PER2: variants seen among roughly 807,000 people sequenced by gnomAD.
The protein encoded by PER2 is period circadian protein homolog 2.
A neutral mutation model predicts 121.0 loss-of-function variants in PER2; 66 were observed. The observed-to-expected ratio is 0.55, with a 90% CI of 0.45 to 0.67. PER2 has a LOEUF of 0.67. PER2 is among the 30% of genes least tolerant of loss of function. The pLI, the probability that PER2 is intolerant of heterozygous loss-of-function variation, is 0.00. For missense variants in PER2, 1,521 were observed against 1,635.0 expected (o/e 0.93, Z 1.20); for synonymous variants, 684 against 659.9 (o/e 1.04, Z -0.56).
chr2:238,266,184 T>G (rs1283771559), intron 8 of PER2, among the ~76,000 whole-genome samples: 8 of 152,184 alleles, frequency 5.3e-5, no homozygotes, highest in Admixed American at 5.2e-4. Context: ...ACTACAGGCG[T>G]GAGCCACTGC....
Position 238,249,088 on chromosome 2 carries a change from C to T in PER2, c.3592G>A (p.Gly1198Ser), listed in dbSNP as rs764364278. 12 of 1,614,030 alleles carry T rather than the reference C, an allele frequency of 7.4e-6. No homozygotes were observed. In the Admixed American group the frequency reaches 8.3e-5, roughly 11 times the overall value. The change falls in exon 22 of 23, where the codon GGC (glycine) becomes AGC (serine). Residue 1198 changes from glycine to serine, a missense_variant. Transcript: ENST00000254657. ...GCCACGTCGATGGCTGCGGGCAGGC[C>T]GCCCGTCTGCATCCACTGGTGGACC... is the stretch of plus-strand genomic sequence containing the variant. ...REVHQWMQTG[G>S]LPAAIDVAEC...
chr2:238,250,869 T>C, intron 20 of PER2, 126 bp from the exon 21 acceptor site: 1 of 693,162 alleles, frequency 1.4e-6, no homozygotes, highest in Non-Finnish European at 2.6e-6. Flanking sequence ...TGGGTATCTA[T>C]GCCGGTGCAT....
chr2:238,293,065 T>C (rs1696975534), upstream of PER2, among the ~76,000 whole-genome samples: 1 of 150,626 alleles, frequency 6.6e-6, no homozygotes, highest in Non-Finnish European at 1.5e-5. Flanking sequence ...TCATCATACA[T>C]AGGTGCAGTG....
In PER2 at chr2:238,279,038, G is replaced by T. The variant is rs190386281; in HGVS notation, c.-19-1083C>A. On this transcript the variant is annotated intron_variant, in intron 1 of 22. Transcript: ENST00000254657. The stretch of plus-strand genomic sequence containing the variant: ...GCGATCATCCTGGACACAAACTGAG[G>T]GGGGGTGAACAGAGACAGGGAGTAG... Among the ~76,000 whole-genome samples, 62 of 152,260 alleles carry T rather than the reference G, an allele frequency of 4.1e-4. 1 individual carries two copies. Among genetic ancestry groups the T allele is most frequent in the South Asian group, 3.9e-3 (19 of 4,828 alleles).
intron 1 of PER2, among the ~76,000 whole-genome samples, chr2:238,287,505 G>A (rs1283745578): frequency 1.3e-5 from 2 of 152,196 alleles, no homozygotes; most frequent in African/African-American, 4.8e-5. Flanking sequence ...TTTAGCCACC[G>A]TGTGGGGTTC....
At position 238,288,379 on chromosome 2, in the gene PER2, G is replaced by T. The variant is rs1015421246; in HGVS notation, c.-50C>A. ...GGACCTCAGGCTCCTGAGCTGCGAA[G>T]CGGGGGTTCGAGTCCCCAACCCTCG... On this transcript the variant is annotated 5_prime_UTR_variant, in exon 1 of 23. Transcript: ENST00000254657. The T allele has an allele frequency of 6.6e-6, 1 of 152,288 alleles. No individual in the cohort carries two copies. The highest frequency in any genetic ancestry group is 1.5e-5 in the Non-Finnish European group (1 of 68,100). The allele number at this position is 152,288 out of a possible 1,614,324, so 9.4% of individuals were successfully genotyped here. A position where few individuals can be genotyped will look rare whatever the true frequency, so the allele number is the denominator to read the frequency against.
chr2:238,281,368 G>C (rs866543249), intron 1 of PER2, among the ~76,000 whole-genome samples: 111 of 152,174 alleles, frequency 7.3e-4, no homozygotes, highest in African/African-American at 2.6e-3. Flanking sequence ...TCAATTACAG[G>C]ATACTTGATT....
rs768843917 is a variant in PER2, at chr2:238,263,165, A to T, written c.1047-107T>A. 1.1e-4 allele frequency: 71 copies of T among 674,238 alleles called. 1 individual carries two copies. Among genetic ancestry groups the T allele is most frequent in the Non-Finnish European group, 1.8e-4 (68 of 387,702 alleles). The allele number at this position is 674,238 out of a possible 1,614,324, so 41.8% of individuals were successfully genotyped here. A position where few individuals can be genotyped will look rare whatever the true frequency, so the allele number is the denominator to read the frequency against. On this transcript the variant is annotated intron_variant, in intron 9 of 22. Coordinates refer to ENST00000254657, the MANE Select transcript of PER2 (RefSeq NM_022817.3). ...AAAGAGAAGATACACTCCAAACCCC[A>T]CCCCCTCCCCCACCCCCGGAGATCA...
At chr2:238,294,639 C>G (rs950647359), upstream of PER2, among the ~76,000 whole-genome samples, 1 of 152,206 alleles carries the variant, frequency 6.6e-6, no homozygotes, top group Non-Finnish European at 1.5e-5. Flanking sequence ...AAGACATTCT[C>G]AACACCACGA....
At position 238,258,431 on chromosome 2, in the gene PER2, C is replaced by A. The variant is rs1168157440; in HGVS notation, c.1776-31G>T. ...TGAAAGGCATGAACCACTGGTGAGG[C>A]CACACAACATGAGAGGAGGGAAGGT... On this transcript the variant is annotated intron_variant, in intron 15 of 22. Transcript: ENST00000254657. The A allele has an allele frequency of 5.0e-6, 8 of 1,613,994 alleles. No individual in the cohort carries two copies. The East Asian group carries it at 1.8e-4, about 36-fold the overall frequency.
At chr2:238,261,640 G>T in intron 12 of PER2, 89 bp downstream of exon 12, 1 of 807,128 alleles carries the variant, frequency 1.2e-6, no homozygotes, top group Non-Finnish European at 2.1e-6. Context: ...CTGAGTGGGT[G>T]TGCCAGGACC....
At chr2:238,297,205 C>A in the PER2 span, among the ~76,000 whole-genome samples, 2 of 152,172 alleles carry the variant, frequency 1.3e-5, no homozygotes, top group African/African-American at 4.8e-5. Context: ...AAACCCTAAA[C>A]CAAAGAAGGC....
chr2:238,269,873 C>T (rs931444435), intron 6 of PER2, among the ~76,000 whole-genome samples: 11 of 152,380 alleles, frequency 7.2e-5, no homozygotes, highest in African/African-American at 2.6e-4. Context: ...GGGAAGGCCT[C>T]GGAGATTTCA....
chr2:238,270,866 A>G (rs1696262629), intron 6 of PER2, among the ~76,000 whole-genome samples: 1 of 152,216 alleles, frequency 6.6e-6, no homozygotes, highest in African/African-American at 2.4e-5. Context: ...TGTATACCCA[A>G]AGCCAGCCCT....
In PER2 at chr2:238,252,816, G is replaced by T. The variant is rs969519679; in HGVS notation, c.3111+96C>A. ...ACAGGGTTTGGTGGAAACCTCAATCGTGTAACCCCCATGTCTGAACTGAGG... is the reference window on the plus strand; with the variant it reads ...ACAGGGTTTGGTGGAAACCTCAATCTTGTAACCCCCATGTCTGAACTGAGG... On this transcript the variant is annotated intron_variant, in intron 19 of 22. Coordinates refer to ENST00000254657, the MANE Select transcript of PER2 (RefSeq NM_022817.3). The surrounding 1 kb of genome is among the most constrained non-coding windows in gnomAD (Gnocchi z 4.2). 2 of 1,081,782 alleles carry T rather than the reference G, an allele frequency of 1.8e-6. No individual in the cohort carries two copies. Among genetic ancestry groups the T allele is most frequent in the South Asian group, 1.2e-5 (1 of 80,606 alleles). 67.0% of individuals were successfully genotyped at this position (1,081,782 alleles called of 1,614,324 possible).
the PER2 span, chr2:238,295,466 C>G: frequency 1.3e-5 from 2 of 152,320 alleles, no homozygotes; most frequent in Non-Finnish European, 2.9e-5. Context: ...TCCCTGGCCT[C>G]AAATCGTCCC....
At position 238,271,425 on chromosome 2, in the gene PER2, T is replaced by A; in HGVS notation, c.659A>T (p.Asp220Val). 1 of 1,613,980 alleles carries A rather than the reference T, an allele frequency of 6.2e-7. No individual in the cohort carries two copies. Among genetic ancestry groups the A allele is most frequent in the South Asian group, 1.1e-5 (1 of 91,086 alleles). The change falls in exon 6 of 23, where the codon GAT becomes GTT. Residue 220 changes from aspartate (D) to valine (V), a missense_variant. Coordinates refer to ENST00000254657, the MANE Select transcript of PER2 (RefSeq NM_022817.3). ...QVASIFHCKRDAFSDAKFVEF... is the reference protein window; with the variant it reads ...QVASIFHCKRVAFSDAKFVEF... Reference sequence around the variant, plus strand: ...CACAAACTTGGCATCGCTGAAGGCATCTCTTTTACAGTGAAATATGGATGC... The same window carrying A: ...CACAAACTTGGCATCGCTGAAGGCAACTCTTTTACAGTGAAATATGGATGC...
intron 4 of PER2, among the ~76,000 whole-genome samples, chr2:238,273,702 T>C (rs969959213): frequency 6.6e-6 from 1 of 152,144 alleles, no homozygotes; most frequent in African/African-American, 2.4e-5. Flanking sequence ...AGGCTTGCTC[T>C]GTCACCAGGC....
In PER2 at chr2:238,275,792, A is replaced by G; in HGVS notation, c.399T>C (p.Ser133=). The G allele has an allele frequency of 6.2e-7, 1 of 1,614,102 alleles. No homozygotes were observed. Among genetic ancestry groups the G allele is most frequent in the Non-Finnish European group, 8.5e-7 (1 of 1,179,890 alleles). Reference sequence around the variant, plus strand: ...GGGCGTACTTCAAGGTGGCCAGCGTACTGGCCTTGCCCTTGGCCTTCTTGT... The same window carrying G: ...GGGCGTACTTCAAGGTGGCCAGCGTGCTGGCCTTGCCCTTGGCCTTCTTGT... ...PADKKAKGKA[S]TLATLKYALR... is the part of the protein sequence containing the mutation. The change falls in exon 4 of 23, where the codon AGT becomes AGC. Residue 133 remains serine (S), a synonymous_variant. Coordinates refer to ENST00000254657, the MANE Select transcript of PER2 (RefSeq NM_022817.3).
Sources: allele counts gnomAD v4.1 joint callset (sites outside exome capture counted in the v4.1 genomes callset), GRCh38; gene constraint gnomAD v4.1.1; non-coding constraint Gnocchi (gnomAD v3.1); transcripts MANE v1.5; gene names NCBI Gene and HGNC (gene_info 2026-07-23, HGNC 2026-07-21).